Variants in CELSR3 observed in about 807,000 individuals in gnomAD.
CELSR3 encodes the protein cadherin EGF LAG seven-pass G-type receptor 3.
In CELSR3, 73 loss-of-function variants were observed where a neutral mutation model predicts 270.0. The ratio of observed to expected loss-of-function variants is 0.27; its 90% confidence interval spans 0.22 to 0.33. The LOEUF (loss-of-function observed/expected upper bound fraction) is 0.33. Among genes scored for constraint, CELSR3 ranks in the 10% least tolerant of loss-of-function variants. The pLI is 1.00. For missense variants in CELSR3, 3,614 were observed against 4,533.8 expected (o/e 0.80, Z 5.83); for synonymous variants, 1,780 against 1,905.4 (o/e 0.93, Z 1.71).
rs1250676390 is a variant in CELSR3 at position 48,653,578 on chromosome 3, A to T, written c.5448+41T>A. The T allele has an allele frequency of 6.3e-7, 1 of 1,593,454 alleles. No homozygotes were observed. Among genetic ancestry groups the T allele is most frequent in the African/African-American group, 1.3e-5 (1 of 74,552 alleles). On this transcript the variant is annotated intron_variant, in intron 9 of 34. Coordinates refer to ENST00000164024, the MANE Select transcript of CELSR3 (RefSeq NM_001407.3). The surrounding 1 kb of genome is among the most constrained non-coding windows in gnomAD (Gnocchi z 6.5). ...AAGAATGTCAGTGGCGGCCTAAGAG[A>T]CTGAGAACTGAGGGTATAGGGGTGA...
chr3:48,654,237 C>T lies in CELSR3; in HGVS notation c.5152+52G>A. 4 of 1,606,640 alleles carry T rather than the reference C, an allele frequency of 2.5e-6. No homozygotes were observed. The highest frequency in any genetic ancestry group is 2.6e-6 in the Non-Finnish European group (3 of 1,175,326). On this transcript the variant is annotated intron_variant, in intron 7 of 34. Transcript: ENST00000164024. The surrounding 1 kb of genome is among the most constrained non-coding windows in gnomAD (Gnocchi z 5.4). ...CAGGTATGGAGTCCTCCACTTCCTC[C>T]CTATGATGGGGACAGGGCCATGGGC...
Position 48,657,083 on chromosome 3 carries a change from G to T in CELSR3, c.4014C>A (p.Ala1338=). The change falls in exon 2 of 35, where the codon GCC becomes GCA. Residue 1338 remains alanine (A), a synonymous_variant. Transcript: ENST00000164024. The surrounding 1 kb of genome is among the most constrained non-coding windows in gnomAD (Gnocchi z 5.4). ...ACCAGGGCCCTGCAGCGCCCGCCCC[G>T]GCCCCACGTGGAGCTAGCGCCGAGA... The part of the protein sequence containing the change: ...VSFSALAPRG[A]GAGAAGPWFS... 6.2e-7 allele frequency: 1 copy of T among 1,613,794 alleles called. No homozygotes were observed. Among genetic ancestry groups the T allele is most frequent in the Non-Finnish European group, 8.5e-7 (1 of 1,179,934 alleles).
chr3:48,654,038 A>G lies in CELSR3; in HGVS notation c.5153-35T>C. 6.2e-7 allele frequency: 1 copy of G among 1,605,724 alleles called. No individual in the cohort carries two copies. The highest frequency in any genetic ancestry group is 8.5e-7 in the Non-Finnish European group (1 of 1,174,414). Reference sequence around the variant, plus strand: ...GAAAGCACATGGCGGACATGAGAACAAGGGTTGGGGGGCACAAGTGCTGGA... The same window carrying G: ...GAAAGCACATGGCGGACATGAGAACGAGGGTTGGGGGGCACAAGTGCTGGA... On this transcript the variant is annotated intron_variant, in intron 7 of 34. Transcript: ENST00000164024. This position sits in a 1 kb window ranked among gnomAD's most constrained non-coding sequence, Gnocchi z 5.4.
At position 48,660,260 on chromosome 3, in the gene CELSR3, T is replaced by A. The variant is rs945805798; in HGVS notation, c.2375A>T (p.Gln792Leu). The change falls in exon 1 of 35, where the codon CAG becomes CTG. Residue 792 changes from glutamine (Q) to leucine (L), a missense_variant. Around this residue, in one of 7 missense-constraint regions of CELSR3, gnomAD observed 215 missense variants for 241.2 expected, o/e 0.89. Transcript: ENST00000164024. This position sits in a 1 kb window ranked among gnomAD's most constrained non-coding sequence, Gnocchi z 5.5. ...ATTCCGGGTGTTGCCGCCTGTGATC[T>A]GGTAGCTGATGGCACTGTTGGCATC... The part of the protein sequence containing the change: ...DRDANSAISY[Q>L]ITGGNTRNRF... 1.2e-6 allele frequency: 2 copies of A among 1,614,164 alleles called. No homozygotes were observed. The highest frequency in any genetic ancestry group is 1.7e-6 in the Non-Finnish European group (2 of 1,180,030).
At position 48,645,611 on chromosome 3, in the gene CELSR3, G is replaced by A. The variant is rs2047074531; in HGVS notation, c.7629C>T (p.Thr2543=). Residue 2543 remains threonine (T), a synonymous_variant, in exon 24 of 35, where the codon ACC becomes ACT. Transcript: ENST00000164024. The surrounding 1 kb of genome is among the most constrained non-coding windows in gnomAD (Gnocchi z 5.4). The part of the protein sequence containing the change: ...EGDLELLAVF[T]HVVVAVSVAA... ...CCACAGACACAGCCACGACCACGTG[G>A]GTGAACACAGCCAGCAGCTCCAGGT... 6 of 1,611,236 alleles carry A rather than the reference G, an allele frequency of 3.7e-6. No homozygotes were observed. The highest frequency in any genetic ancestry group is 1.7e-6 in the Non-Finnish European group (2 of 1,178,690).
chr3:48,653,567 C>A lies in CELSR3; in HGVS notation c.5448+52G>T, dbSNP rs375114768. On this transcript the variant is annotated intron_variant, in intron 9 of 34. Transcript: ENST00000164024. This position sits in a 1 kb window ranked among gnomAD's most constrained non-coding sequence, Gnocchi z 6.5. ...CCTGAACCCACAAGAATGTCAGTGGCGGCCTAAGAGACTGAGAACTGAGGG... is the reference window on the plus strand; with the variant it reads ...CCTGAACCCACAAGAATGTCAGTGGAGGCCTAAGAGACTGAGAACTGAGGG... The A allele has an allele frequency of 5.1e-6, 8 of 1,577,660 alleles. No homozygotes were observed. The highest frequency in any genetic ancestry group is 6.9e-6 in the Non-Finnish European group (8 of 1,156,188).
In CELSR3 at chr3:48,660,250, G is replaced by T. The variant is rs554549149; in HGVS notation, c.2385C>A (p.Gly795=). The T allele has an allele frequency of 1.2e-6, 2 of 1,614,008 alleles. No individual in the cohort carries two copies. Among genetic ancestry groups the T allele is most frequent in the African/African-American group, 2.7e-5 (2 of 74,902 alleles). Residue 795 remains glycine (G), a synonymous_variant, in exon 1 of 35, where the codon GGC becomes GGA. Transcript: ENST00000164024. The surrounding 1 kb of genome is among the most constrained non-coding windows in gnomAD (Gnocchi z 5.5). ...TGGCAAAGCGATTCCGGGTGTTGCCGCCTGTGATCTGGTAGCTGATGGCAC... is the reference window on the plus strand; with the variant it reads ...TGGCAAAGCGATTCCGGGTGTTGCCTCCTGTGATCTGGTAGCTGATGGCAC... The part of the protein sequence containing the change: ...ANSAISYQIT[G]GNTRNRFAIS...
Position 48,644,169 on chromosome 3 carries a change from G to T in CELSR3, c.8165+47C>A. 1 of 1,564,312 alleles carries T rather than the reference G, an allele frequency of 6.4e-7. No homozygotes were observed. Among genetic ancestry groups the T allele is most frequent in the South Asian group, 1.1e-5 (1 of 89,386 alleles). On this transcript the variant is annotated intron_variant, in intron 27 of 34. Transcript: ENST00000164024. This position sits in a 1 kb window ranked among gnomAD's most constrained non-coding sequence, Gnocchi z 4.8. ...GGGGGCCCCAGACCCCACCCAGGAG[G>T]GACCTGCCATCCTGAGAAGCCCCCT...
At position 48,659,496 on chromosome 3, in the gene CELSR3, G is replaced by A; in HGVS notation, c.3139C>T (p.Leu1047Phe). The A allele has an allele frequency of 6.2e-7, 1 of 1,614,238 alleles. No individual in the cohort carries two copies. The highest frequency in any genetic ancestry group is 8.5e-7 in the Non-Finnish European group (1 of 1,180,058). The change falls in exon 1 of 35, where the codon CTC becomes TTC. Residue 1047 changes from leucine to phenylalanine, a missense_variant. By Grantham distance (22) the Leu-to-Phe change is conservative. Transcript: ENST00000164024. The surrounding 1 kb of genome is among the most constrained non-coding windows in gnomAD (Gnocchi z 8.1). ...AYAVDRGVPPLRTPVSIQVMV... is the reference protein window; with the variant it reads ...AYAVDRGVPPFRTPVSIQVMV... Reference sequence around the variant, plus strand: ...ACCTGGATACTGACTGGAGTCCGGAGTGGGGGCACACCTCTGTCCACTGCG... The same window carrying A: ...ACCTGGATACTGACTGGAGTCCGGAATGGGGGCACACCTCTGTCCACTGCG...
rs200877975 is a variant in CELSR3, at chr3:48,640,107, G to A, written c.9478C>T (p.Arg3160Cys). Reference sequence around the variant, plus strand: ...TGTGGGTCAAGGTCCCGGGTGCGGCGGGGCGGAGGCAGCGTGCTCAACCAC... The same window carrying A: ...TGTGGGTCAAGGTCCCGGGTGCGGCAGGGCGGAGGCAGCGTGCTCAACCAC... Reference protein sequence around the residue: ...REWLSTLPPPRRTRDLDPQPP... With the variant: ...REWLSTLPPPCRTRDLDPQPP... Residue 3160 changes from arginine to cysteine, a missense_variant, in exon 34 of 35, where the codon CGC (arginine) becomes TGC (cysteine). Physicochemically the swap from Arg to Cys is radical, Grantham distance 180. Coordinates refer to ENST00000164024, the MANE Select transcript of CELSR3 (RefSeq NM_001407.3). The surrounding 1 kb of genome is among the most constrained non-coding windows in gnomAD (Gnocchi z 7.5). 1.1e-4 allele frequency: 176 copies of A among 1,611,480 alleles called. 1 individual carries two copies. In the East Asian group the frequency reaches 1.3e-3, roughly 12 times the overall value.
intron 20 of CELSR3, among the ~76,000 whole-genome samples, chr3:48,647,598 T>G (rs1457645991): frequency 6.8e-4 from 2 of 2,932 alleles, no homozygotes; most frequent in African/African-American, 1.7e-3. Context: ...GGAGGGGAGA[T>G]GTGGGAGGGA....
rs771714693 is a variant in CELSR3, at chr3:48,645,579, A to G, written c.7661T>C (p.Leu2554Pro). 3 of 1,612,416 alleles carry G rather than the reference A, an allele frequency of 1.9e-6. No individual in the cohort carries two copies. The highest frequency in any genetic ancestry group is 2.5e-6 in the Non-Finnish European group (3 of 1,179,874). ...CAGCAGGATGGCTGCAGTCAGCACC[A>G]GCGCAGCCACAGACACAGCCACGAC... ...HVVVAVSVAA[L>P]VLTAAILLSL... is the part of the protein sequence containing the mutation. The change falls in exon 24 of 35, where the codon CTG becomes CCG. Residue 2554 changes from leucine to proline, a missense_variant. Around this residue, in one of 7 missense-constraint regions of CELSR3, gnomAD observed 1,240 missense variants for 1,351.7 expected, o/e 0.92. Transcript: ENST00000164024. The surrounding 1 kb of genome is among the most constrained non-coding windows in gnomAD (Gnocchi z 5.4).
In CELSR3 at chr3:48,658,917, G is replaced by A. The variant is rs2077044605; in HGVS notation, c.3718C>T (p.Leu1240=). The change falls in exon 1 of 35, where the codon CTG becomes TTG. Residue 1240 remains leucine (L), a synonymous_variant. Coordinates refer to ENST00000164024, the MANE Select transcript of CELSR3 (RefSeq NM_001407.3). The surrounding 1 kb of genome is among the most constrained non-coding windows in gnomAD (Gnocchi z 4.7). ...LSRKLDNNRP[L]VASMLVTVTD... ...ACAGTCACCAACATGGAGGCCACCA[G>A]TGGGCGGTTATTGTCTAGCTTTCGG... 3 of 1,614,132 alleles carry A rather than the reference G, an allele frequency of 1.9e-6. No individual in the cohort carries two copies. The highest frequency in any genetic ancestry group is 2.5e-6 in the Non-Finnish European group (3 of 1,179,956).
chr3:48,652,097 G>T lies in CELSR3; in HGVS notation c.5752-49C>A. ...GGTGAGACCATGTTAAGGCACCTCA[G>T]CCTCAAGTACTGCAGAGCCAGCCAC... On this transcript the variant is annotated intron_variant, in intron 11 of 34. Coordinates refer to ENST00000164024, the MANE Select transcript of CELSR3 (RefSeq NM_001407.3). This position sits in a 1 kb window ranked among gnomAD's most constrained non-coding sequence, Gnocchi z 4.3. The T allele has an allele frequency of 2.7e-6, 4 of 1,471,710 alleles. No individual in the cohort carries two copies. Among genetic ancestry groups the T allele is most frequent in the Non-Finnish European group, 3.6e-6 (4 of 1,112,442 alleles). 91.2% of individuals were successfully genotyped at this position (1,471,710 alleles called of 1,614,324 possible).
Position 48,659,918 on chromosome 3 carries a change from A to G in CELSR3, c.2717T>C (p.Ile906Thr), listed in dbSNP as rs766555497. The G allele has an allele frequency of 1.4e-5, 23 of 1,614,218 alleles. No individual in the cohort carries two copies. Among genetic ancestry groups the G allele is most frequent in the South Asian group, 2.2e-5 (2 of 91,082 alleles). ...LLEDNLPQFRIDADSGAITLQ... is the reference protein window; with the variant it reads ...LLEDNLPQFRTDADSGAITLQ... ...TGTAATGGCTCCTGAGTCTGCATCA[A>G]TGCGGAACTGGGGCAGGTTGTCCTC... is the stretch of plus-strand genomic sequence containing the variant. Residue 906 changes from isoleucine to threonine, a missense_variant, in exon 1 of 35, where the codon ATT becomes ACT. Ile to Thr is a moderately conservative substitution (Grantham distance 89). Transcript: ENST00000164024. The surrounding 1 kb of genome is among the most constrained non-coding windows in gnomAD (Gnocchi z 8.1).
Position 48,644,298 on chromosome 3 carries a change from G to A in CELSR3, c.8086-3C>T, listed in dbSNP as rs527740000. Reference sequence around the variant, plus strand: ...AGGAGAAACATGGTCCCGTTCATCTGGACCCACGGCCAGACATGTGGGGCC... The same window carrying A: ...AGGAGAAACATGGTCCCGTTCATCTAGACCCACGGCCAGACATGTGGGGCC... On this transcript the variant is annotated splice_polypyrimidine_tract_variant and splice_region_variant and intron_variant, in intron 26 of 34. Coordinates refer to ENST00000164024, the MANE Select transcript of CELSR3 (RefSeq NM_001407.3). The surrounding 1 kb of genome is among the most constrained non-coding windows in gnomAD (Gnocchi z 4.8). 1.9e-6 allele frequency: 3 copies of A among 1,612,948 alleles called. No individual in the cohort carries two copies. The highest frequency in any genetic ancestry group is 2.5e-6 in the Non-Finnish European group (3 of 1,179,868).
At position 48,642,441 on chromosome 3, in the gene CELSR3, G is replaced by A. The variant is rs777785296; in HGVS notation, c.8582C>T (p.Ser2861Leu). The change falls in exon 31 of 35, where the codon TCA becomes TTA. Residue 2861 changes from serine to leucine, a missense_variant. Transcript: ENST00000164024. This position sits in a 1 kb window ranked among gnomAD's most constrained non-coding sequence, Gnocchi z 6.1. ...LRDNVLVRHG[S>L]AADHTDHSLQ... ...GCTGTGGTCAGTGTGGTCAGCGGCTGAGCCATGTCGAACCAGGACATTGTC... is the reference window on the plus strand; with the variant it reads ...GCTGTGGTCAGTGTGGTCAGCGGCTAAGCCATGTCGAACCAGGACATTGTC... 3.7e-6 allele frequency: 6 copies of A among 1,613,158 alleles called. No homozygotes were observed. Among genetic ancestry groups the A allele is most frequent in the Non-Finnish European group, 5.1e-6 (6 of 1,179,900 alleles).
chr3:48,662,284 T>C lies in CELSR3; in HGVS notation c.351A>G (p.Pro117=). Residue 117 remains proline (P), a synonymous_variant, in exon 1 of 35, where the codon CCA becomes CCG. Coordinates refer to ENST00000164024, the MANE Select transcript of CELSR3 (RefSeq NM_001407.3). This position sits in a 1 kb window ranked among gnomAD's most constrained non-coding sequence, Gnocchi z 7.1. ...CTGTCTCTCGTTCGCGGCTGCCCAA[T>C]GGCTGGACGCCGTGTTCAATCCCCA... ...EELGIEHGVQ[P]LGSRERETGQ... 6.2e-7 allele frequency: 1 copy of C among 1,613,088 alleles called. No homozygotes were observed.
chr3:48,645,963 G>A lies in CELSR3; in HGVS notation c.7464-95C>T. 6.4e-7 allele frequency: 1 copy of A among 1,568,428 alleles called. No individual in the cohort carries two copies. Among genetic ancestry groups the A allele is most frequent in the African/African-American group, 1.3e-5 (1 of 74,136 alleles). ...AAGGGCTGAGGGTGCCTGGAGTTGG[G>A]GTACAGCATTCCTCATGGTCCGGGT... is the stretch of plus-strand genomic sequence containing the variant. On this transcript the variant is annotated intron_variant, in intron 22 of 34. Coordinates refer to ENST00000164024, the MANE Select transcript of CELSR3 (RefSeq NM_001407.3). This position sits in a 1 kb window ranked among gnomAD's most constrained non-coding sequence, Gnocchi z 5.4.
Sources: allele counts gnomAD v4.1 joint callset (sites outside exome capture counted in the v4.1 genomes callset), GRCh38; gene constraint gnomAD v4.1.1; regional missense constraint gnomAD v4.1.1; non-coding constraint Gnocchi (gnomAD v3.1); transcripts MANE v1.5; gene names NCBI Gene and HGNC (gene_info 2026-07-23, HGNC 2026-07-21).